Variants in CLDN14 observed in about 807,000 individuals in gnomAD.
CLDN14 encodes claudin-14.
CLDN14 carries 2 observed loss-of-function variants against 2.1 expected under a neutral mutation model. The ratio of observed to expected loss-of-function variants is 0.96; its 90% CI spans 0.39 to 3.01. The LOEUF (loss-of-function observed/expected upper bound fraction) is 3.01. CLDN14 is among the 30% of genes most tolerant of loss of function. The pLI is 0.09. For missense variants in CLDN14, 298 were observed against 328.0 expected, an observed-to-expected ratio of 0.91 and a Z score of 0.71; for synonymous variants, 136 against 154.4, an observed-to-expected ratio of 0.88 and a Z score of 0.88.
chr21:36,543,094 G>A (rs1426689500), intron 1 of CLDN14, among the ~76,000 whole-genome samples: 1 of 152,162 alleles, frequency 6.6e-6, no homozygotes, highest in Non-Finnish European at 1.5e-5. Context: ...TCAACAACCC[G>A]CCTCCCACCC....
intron 2 of CLDN14, among the ~76,000 whole-genome samples, chr21:36,500,335 T>A (rs2087082225): frequency 6.6e-6 from 1 of 152,208 alleles, no homozygotes; most frequent in East Asian, 1.9e-4. Context: ...GCAGCCCGAA[T>A]AACAGTGACG....
rs569987723 is a variant in CLDN14, at chr21:36,551,362, G to A, written c.-220+25049C>T. 1.3e-5 allele frequency among the ~76,000 whole-genome samples: 2 copies of A among 152,302 alleles called. No individual in the cohort carries two copies. The highest frequency in any genetic ancestry group is 2.4e-5 in the African/African-American group (1 of 41,560). On this transcript the variant is annotated intron_variant, in intron 1 of 2. Coordinates refer to the CLDN14 transcript ENST00000342108. This position sits in a 1 kb window ranked among gnomAD's most constrained non-coding sequence, Gnocchi z 4.8. ...TTTATTCCTGGAGCCTCTGCCTCCCGTAAGCTGGCGGGCAGACCCAGTCCA... is the reference window on the plus strand; with the variant it reads ...TTTATTCCTGGAGCCTCTGCCTCCCATAAGCTGGCGGGCAGACCCAGTCCA...
chr21:36,518,703 C>T (rs573348245), intron 1 of CLDN14, among the ~76,000 whole-genome samples: 13 of 152,306 alleles, frequency 8.5e-5, no homozygotes, highest in African/African-American at 2.9e-4. Flanking sequence ...TATTGAACTC[C>T]AGTGACCCAT....
intron 1 of CLDN14, among the ~76,000 whole-genome samples, chr21:36,521,988 T>C (rs1464675038): frequency 6.6e-6 from 1 of 152,196 alleles, no homozygotes; most frequent in East Asian, 1.9e-4. Context: ...AGCAGCAACA[T>C]GTCAGCTAAA....
At chr21:36,497,379 GAGGGAGGGAGGAAGGA>G (rs1391367014) in intron 2 of CLDN14, among the ~76,000 whole-genome samples, 2 of 28,654 alleles carry the variant, frequency 7.0e-5, no homozygotes, top group African/African-American at 2.5e-4. Context: ...GGGAGGGAGG[GAGGGAGGGAGGAAGGA>G]AGGGAGGGAG....
intron 1 of CLDN14, among the ~76,000 whole-genome samples, chr21:36,549,373 T>G (rs1305378839): frequency 6.6e-6 from 1 of 152,074 alleles, no homozygotes; most frequent in Non-Finnish European, 1.5e-5. Flanking sequence ...AAGAAAATGC[T>G]GCAAAATGAG....
chr21:36,562,697 CTTT>C (rs3030097), intron 1 of CLDN14, among the ~76,000 whole-genome samples: 87 of 147,272 alleles, frequency 5.9e-4, no homozygotes, highest in Middle Eastern at 3.5e-3. Context: ...CCATTCTGTG[CTTT>C]TTTTTTTTTT....
chr21:36,466,136 C>T (rs900338643), intron 1 of CLDN14, among the ~76,000 whole-genome samples: 2 of 152,174 alleles, frequency 1.3e-5, no homozygotes, highest in South Asian at 4.1e-4. Context: ...TGCATCGTGA[C>T]TCTCCCAGGA....
At chr21:36,465,793 T>C (rs1052709756) in intron 1 of CLDN14, among the ~76,000 whole-genome samples, 1 of 152,178 alleles carries the variant, frequency 6.6e-6, no homozygotes, top group Non-Finnish European at 1.5e-5. Flanking sequence ...GCTAGAGAGA[T>C]ACGGATCCAA....
intron 1 of CLDN14, among the ~76,000 whole-genome samples, chr21:36,561,585 C>T (rs2087635488): frequency 1.3e-5 from 2 of 152,170 alleles, no homozygotes; most frequent in African/African-American, 4.8e-5. Context: ...GCAGCTCTTC[C>T]ACTCTCTTGG....
At chr21:36,483,540 C>T (rs1350894900), upstream of CLDN14, among the ~76,000 whole-genome samples, 1 of 152,224 alleles carries the variant, frequency 6.6e-6, no homozygotes, top group Non-Finnish European at 1.5e-5. Context: ...CTGCTGAGGC[C>T]TCATAGGAAC....
At chr21:36,479,392 G>A (rs2086817522) in intron 1 of CLDN14, 103 bp downstream of exon 1, 1 of 152,242 alleles carries the variant, frequency 6.6e-6, no homozygotes, top group Non-Finnish European at 1.5e-5. Context: ...TCGGACCCCT[G>A]GCTGCATGCA....
At chr21:36,481,537 G>A (rs201012704), upstream of CLDN14, among the ~76,000 whole-genome samples, 25 of 152,266 alleles carry the variant, frequency 1.6e-4, no homozygotes, top group East Asian at 1.3e-3. Flanking sequence ...AGGAAACCCC[G>A]CAGAGAGAAA....
At chr21:36,510,918 A>G (rs1052174368) in intron 1 of CLDN14, among the ~76,000 whole-genome samples, 3 of 152,228 alleles carry the variant, frequency 2.0e-5, no homozygotes, top group African/African-American at 7.2e-5. Context: ...GCCCTGGTCT[A>G]CTTATTAAGA....
At chr21:36,476,878 T>A (rs1039374294) in intron 1 of CLDN14, among the ~76,000 whole-genome samples, 6 of 152,234 alleles carry the variant, frequency 3.9e-5, no homozygotes, top group Admixed American at 3.3e-4. Flanking sequence ...ACATTTAGAA[T>A]TAATTGGGTC....
chr21:36,462,699 G>T (rs1022838859), intron 1 of CLDN14, among the ~76,000 whole-genome samples: 1 of 152,088 alleles, frequency 6.6e-6, no homozygotes, highest in African/African-American at 2.4e-5. Context: ...GGAGGCCGAG[G>T]CAGGTGGATC....
At chr21:36,486,263 C>A in intron 2 of CLDN14, 2 of 814,488 alleles carry the variant, frequency 2.5e-6, no homozygotes, top group Middle Eastern at 2.2e-4. Context: ...GCAATCCCCT[C>A]TTCCTTAGGT....
intron 1 of CLDN14, among the ~76,000 whole-genome samples, chr21:36,471,465 C>T (rs576120559): frequency 5.3e-5 from 8 of 152,284 alleles, no homozygotes; most frequent in African/African-American, 1.9e-4. Flanking sequence ...GCTCATGTCT[C>T]CAGCTTGTGT....
At chr21:36,553,087 G>A (rs2087574161) in intron 1 of CLDN14, among the ~76,000 whole-genome samples, 2 of 152,196 alleles carry the variant, frequency 1.3e-5, no homozygotes, top group African/African-American at 2.4e-5. Flanking sequence ...ACAGATGGGA[G>A]CTAAAGCATT....
Sources: allele counts gnomAD v4.1 joint callset (sites outside exome capture counted in the v4.1 genomes callset), GRCh38; gene constraint gnomAD v4.1.1; non-coding constraint Gnocchi (gnomAD v3.1); transcripts MANE v1.5; gene names NCBI Gene and HGNC (gene_info 2026-07-23, HGNC 2026-07-21).